Variants in RPTOR observed in about 807,000 individuals in gnomAD.
The protein encoded by RPTOR is regulatory-associated protein of mTOR.
RPTOR carries 21 observed loss-of-function variants against 169.9 expected under a neutral mutation model. The ratio of observed to expected loss-of-function variants is 0.12; its 90% CI spans 0.09 to 0.18. The LOEUF (loss-of-function observed/expected upper bound fraction) is 0.18. Ranked by LOEUF, RPTOR falls within the 10% of genes least tolerant of loss-of-function variation. The pLI, the probability that RPTOR is intolerant of heterozygous loss-of-function variation, is 1.00. For synonymous variants in RPTOR, 732 were observed against 753.2 expected, an observed-to-expected ratio of 0.97 and a Z score of 0.46; for missense variants, 1,133 against 1,855.9, an observed-to-expected ratio of 0.61 and a Z score of 7.16.
At chr17:80,842,356 T>C (rs9897826) in intron 10 of RPTOR, among the ~76,000 whole-genome samples, 134,008 of 152,078 alleles carry the variant, frequency 0.88, 59,203 homozygotes, top group African/African-American at 0.94. Context: ...GTACCCCACC[T>C]GCTAGCACCA....
chr17:80,834,633 C>T (rs555772829), intron 9 of RPTOR, among the ~76,000 whole-genome samples: 14 of 152,188 alleles, frequency 9.2e-5, no homozygotes, highest in East Asian at 1.9e-4. Flanking sequence ...GTCACGTGTC[C>T]GAGAGAGATT....
Position 80,880,407 on chromosome 17 carries a change from C to G in RPTOR, c.1510-8C>G, listed in dbSNP as rs371003943. On this transcript the variant is annotated splice_polypyrimidine_tract_variant and splice_region_variant and intron_variant, in intron 13 of 33. Transcript: ENST00000306801. ...CTCACTGCCTCTCCTCTGTCTCTTT[C>G]TGTCCAGTCGTGCCAAGCGGACCTC... The G allele has an allele frequency of 6.2e-7, 1 of 1,613,564 alleles. No homozygotes were observed. The highest frequency in any genetic ancestry group is 1.7e-5 in the Admixed American group (1 of 60,002).
intron 7 of RPTOR, among the ~76,000 whole-genome samples, chr17:80,815,579 A>C (rs2067314168): frequency 6.6e-6 from 1 of 152,244 alleles, no homozygotes; most frequent in Non-Finnish European, 1.5e-5. Context: ...TGGACTGTGG[A>C]GATCACACCA....
chr17:80,658,143 T>C (rs2065694060), intron 3 of RPTOR, among the ~76,000 whole-genome samples: 1 of 152,226 alleles, frequency 6.6e-6, no homozygotes, highest in African/African-American at 2.4e-5. Context: ...AGTTTCTATG[T>C]GGATTTTAAA....
Position 80,893,701 on chromosome 17 carries a change from G to C in RPTOR, c.2243-6G>C. On this transcript the variant is annotated splice_region_variant and splice_polypyrimidine_tract_variant and intron_variant, in intron 19 of 33. Coordinates refer to ENST00000306801, the MANE Select transcript of RPTOR (RefSeq NM_020761.3). ...CACCCCACTGACCCCGTTGCGTCTC[G>C]GGCAGCTGGTGGCGCGGTGGCGTTC... is the stretch of plus-strand genomic sequence containing the variant. 1 of 1,608,254 alleles carries C rather than the reference G, an allele frequency of 6.2e-7. No individual in the cohort carries two copies. The highest frequency in any genetic ancestry group is 8.5e-7 in the Non-Finnish European group (1 of 1,177,348).
chr17:80,718,933 G>C (rs570831599), intron 4 of RPTOR, among the ~76,000 whole-genome samples: 24 of 152,350 alleles, frequency 1.6e-4, no homozygotes, highest in Admixed American at 5.9e-4. Context: ...CAAGAGGCCA[G>C]TGGCGGCACC....
At chr17:80,950,963 T>C (rs1359215287) in intron 28 of RPTOR, among the ~76,000 whole-genome samples, 1 of 152,204 alleles carries the variant, frequency 6.6e-6, no homozygotes, top group Non-Finnish European at 1.5e-5. Context: ...TTGTTTGCTT[T>C]TGTGAAAACT....
At chr17:80,802,577 A>C (rs1448590071) in intron 7 of RPTOR, 1 of 151,936 alleles carries the variant, frequency 6.6e-6, no homozygotes, top group Non-Finnish European at 1.5e-5. Flanking sequence ...CTGGCGACAG[A>C]GTGAGACTCC....
chr17:80,930,429 C>T (rs113203968), intron 24 of RPTOR, among the ~76,000 whole-genome samples: 4 of 2,132 alleles, frequency 1.9e-3, no homozygotes, highest in African/African-American at 6.7e-3. Context: ...CTCAGCTCAT[C>T]CTCATCCCCA....
chr17:80,639,439 G>A (rs1567833983), intron 2 of RPTOR, among the ~76,000 whole-genome samples: 1 of 151,996 alleles, frequency 6.6e-6, no homozygotes, highest in Non-Finnish European at 1.5e-5. Flanking sequence ...ATCCTAAACT[G>A]ATCATACCCA....
chr17:80,742,618 T>TGCATAGATGCCACACACAC (rs2066493461), intron 5 of RPTOR, among the ~76,000 whole-genome samples: 1 of 146,304 alleles, frequency 6.8e-6, no homozygotes, highest in Non-Finnish European at 1.5e-5. Context: ...GCCACACACA[T>TGCATAGATGCCACACACAC]ACACACGCAC....
At chr17:80,896,797 T>C in intron 20 of RPTOR, among the ~76,000 whole-genome samples, 1 of 152,242 alleles carries the variant, frequency 6.6e-6, no homozygotes. Context: ...CCTTGCATCA[T>C]GAGTCTTCCT....
intron 2 of RPTOR, among the ~76,000 whole-genome samples, chr17:80,632,599 A>G (rs551379831): frequency 2.0e-5 from 3 of 152,288 alleles, no homozygotes; most frequent in African/African-American, 7.2e-5. Context: ...TAATAATTTC[A>G]AGTGAATTTT....
intron 3 of RPTOR, among the ~76,000 whole-genome samples, chr17:80,669,963 A>C (rs2065809499): frequency 6.6e-6 from 1 of 152,222 alleles, no homozygotes. Context: ...ACAGTCTACA[A>C]CATCACTCAG....
At chr17:80,814,301 G>T (rs142396661) in intron 7 of RPTOR, among the ~76,000 whole-genome samples, 1 of 152,030 alleles carries the variant, frequency 6.6e-6, no homozygotes, top group African/African-American at 2.4e-5. Flanking sequence ...TAAGCAAAAA[G>T]AATTAAAATC....
At position 80,657,493 on chromosome 17, in the gene RPTOR, T is replaced by G. The variant is rs147404077; in HGVS notation, c.348+13683T>G. Among the ~76,000 whole-genome samples the G allele has an allele frequency of 7.3e-3, 1,109 of 152,326 alleles. 12 individuals carry two copies. Among genetic ancestry groups the G allele is most frequent in the African/African-American group, 0.026 (1,071 of 41,562 alleles). ...CCTTCTTTTTTTTTGAAATCTCCTT[T>G]ACTTTTTCACAAGGCTGTTTCTCAG... On this transcript the variant is annotated intron_variant, in intron 3 of 33. Coordinates refer to ENST00000306801, the MANE Select transcript of RPTOR (RefSeq NM_020761.3).
In RPTOR at chr17:80,962,539, G is replaced by A. The variant is rs17848671; in HGVS notation, c.3771G>A (p.Thr1257=). ...VNVLQIVKGL[T]ALDIHPQADL... ...TGCTTCAGATCGTGAAGGGGCTGAC[G>A]GCCCTGGACATCCACCCCCAGGCGG... Residue 1257 remains threonine, a synonymous_variant, in exon 32 of 34, where the codon ACG becomes ACA. Coordinates refer to ENST00000306801, the MANE Select transcript of RPTOR (RefSeq NM_020761.3). 378 of 1,613,774 alleles carry A rather than the reference G, an allele frequency of 2.3e-4. 3 individuals are homozygous for A. In the East Asian group the frequency reaches 5.8e-3, roughly 25 times the overall value.
At chr17:80,859,371 T>C (rs1042381138) in intron 13 of RPTOR, among the ~76,000 whole-genome samples, 2 of 152,196 alleles carry the variant, frequency 1.3e-5, no homozygotes, top group East Asian at 3.9e-4. Context: ...AAAGGGTGTG[T>C]GCTGAGAATG....
rs143056650 is a variant in RPTOR, at chr17:80,834,601, A to G, written c.1137-3321A>G. Among the ~76,000 whole-genome samples, 837 of 152,274 alleles carry G rather than the reference A, an allele frequency of 5.5e-3. 15 individuals carry two copies. Among genetic ancestry groups the G allele is most frequent in the African/African-American group, 0.019 (799 of 41,544 alleles). On this transcript the variant is annotated intron_variant, in intron 9 of 33. Coordinates refer to ENST00000306801, the MANE Select transcript of RPTOR (RefSeq NM_020761.3). ...TGGGCCCCCAGCCTTTTAGGAGCAC[A>G]TGTCCCACTGCAGCAACATGGGTCA...
Sources: allele counts gnomAD v4.1 joint callset (sites outside exome capture counted in the v4.1 genomes callset), GRCh38; gene constraint gnomAD v4.1.1; transcripts MANE v1.5; gene names NCBI Gene and HGNC (gene_info 2026-07-23, HGNC 2026-07-21).